The following HTR2A variants were observed in gnomAD, a reference collection of about 807,000 sequenced individuals.
The protein encoded by HTR2A is 5-hydroxytryptamine receptor 2A.
In HTR2A, 14 loss-of-function variants were observed where a neutral mutation model predicts 31.0. The ratio of observed to expected loss-of-function variants is 0.45; its 90% CI spans 0.30 to 0.71. The LOEUF is 0.71. Ranked by LOEUF, HTR2A falls within the 30% of genes least tolerant of loss-of-function variation. The pLI is 0.09. For synonymous variants in HTR2A, 209 were observed against 225.2 expected, an observed-to-expected ratio of 0.93 and a Z score of 0.64; for missense variants, 442 against 573.3, an observed-to-expected ratio of 0.77 and a Z score of 2.34.
rs557512828 is a variant in HTR2A at position 46,863,772 on chromosome 13, C to T, written c.614-28133G>A. Reference sequence around the variant, plus strand: ...GGTGATTATTAGGAAGTAAATAACACGCTGGCAAGGTTGTGGAGAAAAAGG... The same window carrying T: ...GGTGATTATTAGGAAGTAAATAACATGCTGGCAAGGTTGTGGAGAAAAAGG... On this transcript the variant is annotated intron_variant, in intron 3 of 3. Coordinates refer to ENST00000542664, the MANE Select transcript of HTR2A (RefSeq NM_000621.5). 3.2e-4 allele frequency among the ~76,000 whole-genome samples: 48 copies of T among 150,726 alleles called. No individual in the cohort carries two copies. The South Asian group carries it at 6.9e-3, about 22-fold the overall frequency.
intron 3 of HTR2A, among the ~76,000 whole-genome samples, chr13:46,851,042 T>A (rs1950680651): frequency 6.6e-6 from 1 of 152,128 alleles, no homozygotes; most frequent in African/African-American, 2.4e-5. Flanking sequence ...AGTGCAAAAG[T>A]TCATGTTCAT....
Position 46,834,766 on chromosome 13 carries a change from T to TC in HTR2A, c.*70_*71insG. 2 of 1,196,996 alleles carry TC rather than the reference T, an allele frequency of 1.7e-6. No individual in the cohort carries two copies. Among genetic ancestry groups the TC allele is most frequent in the Admixed American group, 2.4e-5 (1 of 41,314 alleles). The allele number at this position is 1,196,996 out of a possible 1,614,324, so 74.1% of individuals were successfully genotyped here. A position where few individuals can be genotyped will look rare whatever the true frequency, so the allele number is the denominator to read the frequency against. ...ACTTGTCTAATTTTTTCCAATCTCATATTTTTTTTTTTCCAGATAGGTGAA... is the reference window on the plus strand; with the variant it reads ...ACTTGTCTAATTTTTTCCAATCTCATCATTTTTTTTTTTCCAGATAGGTGAA... On this transcript the variant is annotated 3_prime_UTR_variant, in exon 4 of 4. Transcript: ENST00000542664.
intron 3 of HTR2A, among the ~76,000 whole-genome samples, chr13:46,859,608 T>C (rs1325482572): frequency 6.6e-6 from 1 of 152,030 alleles, no homozygotes; most frequent in Non-Finnish European, 1.5e-5. Flanking sequence ...ATCTGGTTGT[T>C]TGCAAGTGTG....
intron 3 of HTR2A, among the ~76,000 whole-genome samples, chr13:46,855,856 G>T (rs1193415504): frequency 6.6e-6 from 1 of 152,186 alleles, no homozygotes; most frequent in African/African-American, 2.4e-5. Flanking sequence ...ATATGATGTG[G>T]GTGGGGTCCG....
chr13:46,871,231 T>G (rs1950861765), intron 3 of HTR2A, among the ~76,000 whole-genome samples: 1 of 152,258 alleles, frequency 6.6e-6, no homozygotes, highest in African/African-American at 2.4e-5. Context: ...GCAACCTGAT[T>G]CAGATTTCTT....
intron 2 of HTR2A, among the ~76,000 whole-genome samples, chr13:46,894,032 C>G (rs995966640): frequency 6.6e-6 from 1 of 152,228 alleles, no homozygotes; most frequent in African/African-American, 2.4e-5. Context: ...TCTGTCTGTT[C>G]GGAACAGATG....
At position 46,834,515 on chromosome 13, in the gene HTR2A, CT is replaced by C. The variant is rs1355696606; in HGVS notation, c.*321del. On this transcript the variant is annotated 3_prime_UTR_variant, in exon 4 of 4. Transcript: ENST00000542664. ...GAACAGCATAGCAGCAAGGTTTCCA[CT>C]TGAAAATAGAAGTTAATTTAGATTT... 1 of 246,230 alleles carries C rather than the reference CT, an allele frequency of 4.1e-6. No homozygotes were observed. The highest frequency in any genetic ancestry group is 7.8e-6 in the Non-Finnish European group (1 of 127,488). 15.3% of individuals were successfully genotyped at this position (246,230 alleles called of 1,614,324 possible).
At chr13:46,853,098 G>A (rs1028873967) in intron 3 of HTR2A, among the ~76,000 whole-genome samples, 9 of 152,116 alleles carry the variant, frequency 5.9e-5, no homozygotes, top group Admixed American at 5.2e-4. Context: ...TAGAGTTTGT[G>A]CTTCTCATAT....
rs1431337688 is a variant in HTR2A, at chr13:46,896,210, T to TA, written c.-305_-304insT. Reference sequence around the variant, plus strand: ...TAGCATAGAGGTTGCAGGGTTTTTTTTGAGCGCTCGGGAAGATAAATGTCC... The same window carrying TA: ...TAGCATAGAGGTTGCAGGGTTTTTTTATGAGCGCTCGGGAAGATAAATGTCC... On this transcript the variant is annotated 5_prime_UTR_variant, in exon 2 of 4. It introduces an in-frame stop codon into an upstream open reading frame of the 5' UTR. Transcript: ENST00000542664. The TA allele has an allele frequency of 3.5e-6, 4 of 1,156,906 alleles. No homozygotes were observed. Among genetic ancestry groups the TA allele is most frequent in the Admixed American group, 4.3e-5 (1 of 23,328 alleles). 71.7% of individuals were successfully genotyped at this position (1,156,906 alleles called of 1,614,324 possible).
At chr13:46,861,979 T>C (rs1184053617) in intron 3 of HTR2A, among the ~76,000 whole-genome samples, 2 of 152,242 alleles carry the variant, frequency 1.3e-5, no homozygotes, top group African/African-American at 4.8e-5. Context: ...TGTTTGTCTA[T>C]AAGATAGAAA....
intron 3 of HTR2A, among the ~76,000 whole-genome samples, chr13:46,877,537 A>C (rs1950924881): frequency 6.6e-6 from 1 of 152,172 alleles, no homozygotes; most frequent in Non-Finnish European, 1.5e-5. Context: ...AATTTTTTTC[A>C]AAGTGCTTGC....
rs954648783 is a variant in HTR2A at position 46,838,488 on chromosome 13, A to G, written c.614-2849T>C. On this transcript the variant is annotated intron_variant, in intron 3 of 3. Coordinates refer to ENST00000542664, the MANE Select transcript of HTR2A (RefSeq NM_000621.5). The stretch of plus-strand genomic sequence containing the variant: ...TAGCTTTCTCTGCAGAACTATTTAT[A>G]TTAAATATATCAACATTATTTTATT... Among the ~76,000 whole-genome samples, 6 of 152,190 alleles carry G rather than the reference A, an allele frequency of 3.9e-5. No individual in the cohort carries two copies. In the East Asian group the frequency reaches 1.2e-3, roughly 29 times the overall value.
intron 3 of HTR2A, among the ~76,000 whole-genome samples, chr13:46,836,687 T>C (rs1876462847): frequency 6.6e-6 from 1 of 152,154 alleles, no homozygotes; most frequent in South Asian, 2.1e-4. Context: ...TCTTGTTTCA[T>C]CCATATGTCC....
chr13:46,873,131 T>C (rs1950876978), intron 3 of HTR2A, among the ~76,000 whole-genome samples: 2 of 151,090 alleles, frequency 1.3e-5, no homozygotes, highest in Admixed American at 6.6e-5. Flanking sequence ...TGAGTGATTA[T>C]TTTTGCATCT....
rs1270989308 is a variant in HTR2A, at chr13:46,876,397, TATATA to T, written c.613+15988_613+15992del. Among the ~76,000 whole-genome samples, 12 of 87,920 alleles carry T rather than the reference TATATA, an allele frequency of 1.4e-4. 1 individual carries two copies. The highest frequency in any genetic ancestry group is 4.2e-4 in the Admixed American group (3 of 7,076). The allele number at this position is 87,920 out of a possible 152,430, so 57.7% of individuals were successfully genotyped here. Reference sequence around the variant, plus strand: ...TTGTATTTTGATTCATATATATATATATATATATTTTTTTTTTTTTTTTTTTTTTT... The same window carrying T: ...TTGTATTTTGATTCATATATATATATTATTTTTTTTTTTTTTTTTTTTTTT... On this transcript the variant is annotated intron_variant, in intron 3 of 3. Transcript: ENST00000542664.
intron 3 of HTR2A, among the ~76,000 whole-genome samples, chr13:46,865,715 A>G (rs57981132): frequency 1.3e-3 from 193 of 152,370 alleles, no homozygotes; most frequent in African/African-American, 4.5e-3. Flanking sequence ...TAAAAATGAA[A>G]TGGCAATATA....
At chr13:46,892,784 T>C (rs1395816189) in intron 2 of HTR2A, among the ~76,000 whole-genome samples, 194 bp from the exon 3 acceptor site, 2 of 152,256 alleles carry the variant, frequency 1.3e-5, no homozygotes, top group African/African-American at 2.4e-5. Context: ...GGCTGATGAA[T>C]GCAGGGTTTG....
At chr13:46,882,762 C>A (rs1209998139) in intron 3 of HTR2A, among the ~76,000 whole-genome samples, 1 of 152,228 alleles carries the variant, frequency 6.6e-6, no homozygotes, top group Non-Finnish European at 1.5e-5. Context: ...ACTTAATTAA[C>A]ACTTATATGA....
At chr13:46,860,699 GCA>G (rs1277271957) in intron 3 of HTR2A, among the ~76,000 whole-genome samples, 2 of 152,164 alleles carry the variant, frequency 1.3e-5, no homozygotes, top group Non-Finnish European at 2.9e-5. Context: ...GAATATTATT[GCA>G]GTTACCCCCG....
Sources: gnomAD v4.1 joint callset for allele counts (sites outside exome capture counted in the v4.1 genomes callset) on GRCh38, gnomAD v4.1.1 for gene constraint, MANE v1.5 for transcripts, NCBI Gene and HGNC (gene_info 2026-07-23, HGNC 2026-07-21) for gene names.